The following TCIRG1 variants were observed in gnomAD, a reference collection of about 807,000 sequenced individuals.
TCIRG1 encodes T cell immune regulator 1, ATPase H+ transporting V0 subunit a3, also known as V-type proton ATPase 116 kDa subunit a 3.
A neutral mutation model predicts 95.5 loss-of-function variants in TCIRG1; 86 were observed. That is an observed-to-expected ratio of 0.90 (90% CI 0.76 to 1.08). The LOEUF (loss-of-function observed/expected upper bound fraction) is 1.08. Ranked by LOEUF, TCIRG1 falls within the 50% of genes least tolerant of loss-of-function variation. TCIRG1 has a pLI of 0.00. For synonymous variants in TCIRG1, 499 were observed against 501.3 expected (o/e 1.00, Z 0.06); for missense variants, 1,069 against 1,140.2 (o/e 0.94, Z 0.90).
At chr11:68,044,664 C>T (rs1855379311) in intron 9 of TCIRG1, 16 of 590,590 alleles carry the variant, frequency 2.7e-5, no homozygotes, top group Admixed American at 1.2e-4. Flanking sequence ...CCCCTGCCTC[C>T]GGGGGTCACC....
intron 8 of TCIRG1, 44 bp from the exon 9 acceptor site, chr11:68,044,088 C>A: frequency 6.6e-7 from 1 of 1,522,952 alleles, no homozygotes; most frequent in Non-Finnish European, 8.9e-7. Flanking sequence ...CCCAGCCACC[C>A]CACCTGCCTG....
chr11:68,044,444 T>A (rs897358836), intron 9 of TCIRG1, 100 bp downstream of exon 9: 32 of 981,632 alleles, frequency 3.3e-5, no homozygotes, highest in Non-Finnish European at 4.8e-5. Context: ...CACCTGGGCT[T>A]TGCCTAGGGG....
chr11:68,047,762 C>A lies in TCIRG1; in HGVS notation c.1421C>A (p.Ser474Ter). The change falls in exon 12 of 20, where the codon TCG becomes TAG. Residue 474 changes from serine to a stop codon, truncating the protein, a stop_gained. Coordinates refer to ENST00000265686, the MANE Select transcript of TCIRG1 (RefSeq NM_006019.4). LOFTEE classifies it high-confidence loss of function. ...CFSRATSIFPSGWSVAAMANQ... is the reference protein window; with the variant it reads ...CFSRATSIFP Reference sequence around the variant, plus strand: ...AGTCGCGCCACCAGCATCTTCCCCTCGGGCTGGAGTGTGGCCGCCATGGCC... The same window carrying A: ...AGTCGCGCCACCAGCATCTTCCCCTAGGGCTGGAGTGTGGCCGCCATGGCC... 1 of 1,613,216 alleles carries A rather than the reference C, an allele frequency of 6.2e-7. No homozygotes were observed. Among genetic ancestry groups the A allele is most frequent in the Non-Finnish European group, 8.5e-7 (1 of 1,179,956 alleles).
rs758562805 is a variant in TCIRG1 at position 68,047,711 on chromosome 11, C to A, written c.1370C>A (p.Thr457Asn). 6.2e-7 allele frequency: 1 copy of A among 1,613,440 alleles called. No individual in the cohort carries two copies. Among genetic ancestry groups the A allele is most frequent in the African/African-American group, 1.3e-5 (1 of 74,940 alleles). ...LLLMGLFSIYTGFIYNECFSR... is the reference protein window; with the variant it reads ...LLLMGLFSIYNGFIYNECFSR... ...CTTATGGGCCTGTTCTCCATCTACA[C>A]CGGCTTCATCTACAACGAGTGCTTC... The change falls in exon 12 of 20, where the codon ACC becomes AAC. Residue 457 changes from threonine (T) to asparagine (N), a missense_variant. Coordinates refer to ENST00000265686, the MANE Select transcript of TCIRG1 (RefSeq NM_006019.4).
Position 68,043,394 on chromosome 11 carries a change from CCCACAAGG to C in TCIRG1, c.530_537del (p.His177ProfsTer47), listed in dbSNP as rs1295614525. Reference sequence around the variant, plus strand: ...AGCTTTGTGGCAGGTGCCGTGGAGCCCCACAAGGCCCCTGCCCTAGAGCGCCTGCTCTG... The same window carrying C: ...AGCTTTGTGGCAGGTGCCGTGGAGCCCCCCTGCCCTAGAGCGCCTGCTCTG... On this transcript the variant is annotated frameshift_variant, in exon 6 of 20. Transcript: ENST00000265686. LOFTEE classifies it high-confidence loss of function. 6.5e-7 allele frequency: 1 copy of C among 1,540,352 alleles called. No homozygotes were observed. The highest frequency in any genetic ancestry group is 8.7e-7 in the Non-Finnish European group (1 of 1,146,444).
intron 2 of TCIRG1, 84 bp from the exon 3 acceptor site, chr11:68,041,669 G>T: frequency 8.4e-7 from 1 of 1,187,016 alleles, no homozygotes; most frequent in South Asian, 1.3e-5. Flanking sequence ...GCTAAGGCCT[G>T]GGGAGAGTCA....
chr11:68,049,470 C>T (rs918549172), intron 15 of TCIRG1, 176 bp downstream of exon 15: 15 of 994,112 alleles, frequency 1.5e-5, no homozygotes, highest in Non-Finnish European at 2.1e-5. Flanking sequence ...ACAACTGGCA[C>T]TGGGAACCGG....
chr11:68,044,369 C>G, intron 9 of TCIRG1, 25 bp downstream of exon 9: 2 of 1,525,072 alleles, frequency 1.3e-6, no homozygotes, highest in South Asian at 1.2e-5. Context: ...GCCTCGCCCC[C>G]TCTCCGCCCG....
At chr11:68,041,491 C>T in intron 2 of TCIRG1, 103 bp downstream of exon 2, 2 of 907,288 alleles carry the variant, frequency 2.2e-6, no homozygotes, top group South Asian at 3.0e-5. Flanking sequence ...GGCCCTGGCC[C>T]CATTTGAACC....
In TCIRG1 at chr11:68,041,885, C is replaced by A. The variant is rs909519062; in HGVS notation, c.196+54C>A. On this transcript the variant is annotated intron_variant, in intron 3 of 19. Coordinates refer to ENST00000265686, the MANE Select transcript of TCIRG1 (RefSeq NM_006019.4). ...GCAGGCTTCCTGGAGGAGGCATGGGCCAAGTTTGATCTGAAAGGAAGAGTC... is the reference window on the plus strand; with the variant it reads ...GCAGGCTTCCTGGAGGAGGCATGGGACAAGTTTGATCTGAAAGGAAGAGTC... The A allele has an allele frequency of 2.0e-6, 3 of 1,488,274 alleles. No individual in the cohort carries two copies. In the African/African-American group the frequency reaches 4.2e-5, roughly 21 times the overall value. The allele number at this position is 1,488,274 out of a possible 1,614,324, so 92.2% of individuals were successfully genotyped here. A position where few individuals can be genotyped will look rare whatever the true frequency, so the allele number is the denominator to read the frequency against.
intron 15 of TCIRG1, 143 bp downstream of exon 15, chr11:68,049,437 G>A: frequency 9.8e-7 from 1 of 1,022,212 alleles, no homozygotes; most frequent in Non-Finnish European, 1.4e-6. Context: ...CAGAGGTGAT[G>A]GTGTGCATCT....
rs1855218280 is a variant in TCIRG1, at chr11:68,042,536, C to G, written c.197-107C>G. 4.3e-6 allele frequency: 4 copies of G among 932,678 alleles called. 1 individual carries two copies. Among genetic ancestry groups the G allele is most frequent in the Non-Finnish European group, 3.3e-6 (2 of 604,840 alleles). 57.8% of individuals were successfully genotyped at this position (932,678 alleles called of 1,614,324 possible). A position where few individuals can be genotyped will look rare whatever the true frequency, so the allele number is the denominator to read the frequency against. On this transcript the variant is annotated intron_variant, in intron 3 of 19. Transcript: ENST00000265686. ...GCCGGGATTTTCTGGCCACCTCCAC[C>G]TGGTGAATCCAGCAGCTGGTGGCCG...
At chr11:68,041,224 C>A in intron 1 of TCIRG1, 44 bp from the exon 2 acceptor site, 2 of 1,354,288 alleles carry the variant, frequency 1.5e-6, no homozygotes, top group Non-Finnish European at 2.1e-6. Context: ...TGGGAACTGT[C>A]TGTGGTCTGC....
chr11:68,043,202 G>T, intron 5 of TCIRG1, 169 bp from the exon 6 acceptor site: 4 of 1,485,816 alleles, frequency 2.7e-6, no homozygotes, highest in Non-Finnish European at 2.7e-6. Flanking sequence ...GCCCTAGGGG[G>T]TTCTCCTCTT....
At position 68,043,827 on chromosome 11, in the gene TCIRG1, G is replaced by A. The variant is rs765476130; in HGVS notation, c.727G>A (p.Val243Ile). 2.4e-5 allele frequency: 38 copies of A among 1,563,344 alleles called. No individual in the cohort carries two copies. Among genetic ancestry groups the A allele is most frequent in the African/African-American group, 5.4e-5 (4 of 73,672 alleles). The part of the protein sequence containing the change: ...RKITDCFHCH[V>I]FPFLQQEEAR... ...TCCTCCCTCCAGCTTCCACTGCCAC[G>A]TCTTCCCGTTTCTGCAGCAGGAGGA... Residue 243 changes from valine to isoleucine, a missense_variant, in exon 8 of 20, where the codon GTC becomes ATC. Physicochemically the swap from Val to Ile is conservative, Grantham distance 29. Coordinates refer to ENST00000265686, the MANE Select transcript of TCIRG1 (RefSeq NM_006019.4).
intron 13 of TCIRG1, 141 bp from the exon 14 acceptor site, chr11:68,048,738 C>T: frequency 3.9e-6 from 3 of 772,684 alleles, no homozygotes; most frequent in Non-Finnish European, 6.9e-6. Context: ...GCTCTGTTGC[C>T]CCTCGGTGGG....
rs1303977118 is a variant in TCIRG1 at position 68,045,029 on chromosome 11, C to T, written c.1092C>T (p.Thr364=). ...CRDMPPTLIR[T]NRFTASFQGI... is the part of the protein sequence containing the mutation. ...ACATGCCCCCCACACTCATCCGCACCAACCGCTTCACGGCCAGCTTCCAGG... is the reference window on the plus strand; with the variant it reads ...ACATGCCCCCCACACTCATCCGCACTAACCGCTTCACGGCCAGCTTCCAGG... The change falls in exon 10 of 20, where the codon ACC becomes ACT. Residue 364 remains threonine (T), a synonymous_variant. Coordinates refer to ENST00000265686, the MANE Select transcript of TCIRG1 (RefSeq NM_006019.4). The T allele has an allele frequency of 5.6e-6, 9 of 1,607,674 alleles. No individual in the cohort carries two copies. Among genetic ancestry groups the T allele is most frequent in the African/African-American group, 2.7e-5 (2 of 74,958 alleles).
chr11:68,044,385 C>G (rs548772860), intron 9 of TCIRG1, 41 bp downstream of exon 9: 2 of 1,485,122 alleles, frequency 1.3e-6, no homozygotes, highest in Admixed American at 3.9e-5. Context: ...GCCCGCCCCT[C>G]CTACCAGGCC....
chr11:68,048,764 G>A, intron 13 of TCIRG1, 115 bp from the exon 14 acceptor site: 1 of 851,482 alleles, frequency 1.2e-6, no homozygotes, highest in African/African-American at 1.6e-5. Flanking sequence ...GATGGATGAG[G>A]CTGCAGGCTC....
Sources: gnomAD v4.1 joint callset for allele counts on GRCh38, gnomAD v4.1.1 for gene constraint, MANE v1.5 for transcripts, NCBI Gene and HGNC (gene_info 2026-07-23, HGNC 2026-07-21) for gene names.